ZHX2: variants seen among roughly 807,000 people sequenced by gnomAD.
ZHX2 encodes zinc fingers and homeoboxes protein 2.
A neutral mutation model predicts 21.9 loss-of-function variants in ZHX2; 6 were observed. That is an observed-to-expected ratio of 0.27 (90% CI 0.15 to 0.54). The LOEUF is 0.54. Among genes scored for constraint, ZHX2 ranks in the 20% least tolerant of loss-of-function variants. The probability of loss-of-function intolerance (pLI) is 0.95; values close to 1 mark genes in which losing one functional copy is unlikely to be tolerated. For missense variants in ZHX2, 908 were observed against 1,090.7 expected (o/e 0.83, Z 2.36); for synonymous variants, 434 against 437.1 (o/e 0.99, Z 0.09).
At chr8:122,792,786 C>T (rs950796108) in intron 1 of ZHX2, among the ~76,000 whole-genome samples, 1 of 152,080 alleles carries the variant, frequency 6.6e-6, no homozygotes, top group Non-Finnish European at 1.5e-5. Flanking sequence ...AATGAGGTAC[C>T]CAGCGTGCAA....
At chr8:122,783,224 GAGA>G (rs1297778173) in intron 1 of ZHX2, among the ~76,000 whole-genome samples, 1 of 152,144 alleles carries the variant, frequency 6.6e-6, no homozygotes, top group African/African-American at 2.4e-5. Flanking sequence ...CTGGGGCGTG[GAGA>G]AGGAGAGAAG....
At chr8:122,825,705 A>G (rs969748726) in intron 1 of ZHX2, among the ~76,000 whole-genome samples, 4 of 152,214 alleles carry the variant, frequency 2.6e-5, no homozygotes, top group Non-Finnish European at 5.9e-5. Flanking sequence ...AATATTTGGT[A>G]AAGAAGCTGA....
chr8:122,869,672 TGGATCTTACA>T (rs1819385167), intron 2 of ZHX2, among the ~76,000 whole-genome samples: 2 of 152,244 alleles, frequency 1.3e-5, no homozygotes, highest in South Asian at 4.1e-4. Flanking sequence ...TGAGCATCCG[TGGATCTTACA>T]GTTGACACAT....
intron 2 of ZHX2, among the ~76,000 whole-genome samples, chr8:122,929,414 G>A (rs12542481): frequency 0.016 from 2,371 of 152,228 alleles, 69 homozygotes; most frequent in Admixed American, 0.068. Flanking sequence ...AGGCCAAGGC[G>A]GGCAGATCAC....
chr8:122,787,637 G>A (rs1817423023), intron 1 of ZHX2, among the ~76,000 whole-genome samples: 1 of 152,218 alleles, frequency 6.6e-6, no homozygotes, highest in Non-Finnish European at 1.5e-5. Flanking sequence ...GGGCTTCGGG[G>A]AGTAGCCAAA....
In ZHX2 at chr8:122,846,769, A is replaced by G. The variant is rs377585875; in HGVS notation, c.-282-16708A>G. On this transcript the variant is annotated intron_variant, in intron 1 of 3. Coordinates refer to ENST00000314393, the MANE Select transcript of ZHX2 (RefSeq NM_014943.5). ...TGCAATTACTTTTGCACCAACCTAT[A>G]GAATTATAAGATCAACACCAACAAT... 4.6e-5 allele frequency among the ~76,000 whole-genome samples: 7 copies of G among 151,988 alleles called. No homozygotes were observed. The East Asian group carries it at 9.7e-4, about 21-fold the overall frequency.
At chr8:122,842,377 G>T (rs527845747) in intron 1 of ZHX2, among the ~76,000 whole-genome samples, 2 of 152,176 alleles carry the variant, frequency 1.3e-5, no homozygotes, top group Non-Finnish European at 2.9e-5. Flanking sequence ...AAACTGAACC[G>T]CTAGTTCAGT....
chr8:122,971,134 A>G (rs2130384560), intron 3 of ZHX2, among the ~76,000 whole-genome samples: 1 of 152,326 alleles, frequency 6.6e-6, no homozygotes, highest in Middle Eastern at 3.4e-3. Context: ...TGTAAGGAGT[A>G]GATGAGATGA....
rs550843812 is a variant in ZHX2, at chr8:122,879,399, G to T, written c.-220+15860G>T. On this transcript the variant is annotated intron_variant, in intron 2 of 3. Transcript: ENST00000314393. Reference sequence around the variant, plus strand: ...CTTTTGTATTTTTAGTAGAGATGGGGTTTCACCATGTTGGCCAGGATGGTC... The same window carrying T: ...CTTTTGTATTTTTAGTAGAGATGGGTTTTCACCATGTTGGCCAGGATGGTC... Among the ~76,000 whole-genome samples, 7 of 152,004 alleles carry T rather than the reference G, an allele frequency of 4.6e-5. No individual in the cohort carries two copies. In the East Asian group the frequency reaches 1.2e-3, roughly 25 times the overall value.
At chr8:122,834,751 A>G (rs1332688699) in intron 1 of ZHX2, among the ~76,000 whole-genome samples, 1 of 152,122 alleles carries the variant, frequency 6.6e-6, no homozygotes, top group Admixed American at 6.5e-5. Context: ...CTAGGTTGGT[A>G]TATTTTTTAA....
At chr8:122,898,633 T>C (rs1224579010) in intron 2 of ZHX2, among the ~76,000 whole-genome samples, 1 of 152,220 alleles carries the variant, frequency 6.6e-6, no homozygotes, top group Non-Finnish European at 1.5e-5. Context: ...GTGATCCTAA[T>C]ATGTCTCGGC....
At chr8:122,961,320 T>C (rs1353942779) in intron 3 of ZHX2, among the ~76,000 whole-genome samples, 1 of 152,304 alleles carries the variant, frequency 6.6e-6, no homozygotes, top group African/African-American at 2.4e-5. Flanking sequence ...GTTACCTCCT[T>C]AAAGGCACTA....
intron 1 of ZHX2, among the ~76,000 whole-genome samples, chr8:122,840,242 A>C (rs927474981): frequency 6.6e-6 from 1 of 152,124 alleles, no homozygotes; most frequent in Non-Finnish European, 1.5e-5. Flanking sequence ...TAATTATTGT[A>C]ATTGCCTAAG....
intron 1 of ZHX2, among the ~76,000 whole-genome samples, chr8:122,846,655 C>A (rs146803701): frequency 6.7e-6 from 1 of 149,148 alleles, no homozygotes; most frequent in Non-Finnish European, 1.5e-5. Flanking sequence ...CCTTAAATAA[C>A]CTTTGTCCTA....
chr8:122,794,710 C>T (rs1250170747), intron 1 of ZHX2, among the ~76,000 whole-genome samples: 1 of 152,160 alleles, frequency 6.6e-6, no homozygotes, highest in African/African-American at 2.4e-5. Context: ...GCATGTTTTG[C>T]TCTAAAGCCT....
At chr8:122,805,358 A>C (rs1316978549) in intron 1 of ZHX2, among the ~76,000 whole-genome samples, 2 of 152,114 alleles carry the variant, frequency 1.3e-5, no homozygotes, top group Non-Finnish European at 2.9e-5. Flanking sequence ...AAGGGGCGTC[A>C]TTCTCCCATA....
At chr8:122,912,218 G>A (rs1428580775) in intron 2 of ZHX2, among the ~76,000 whole-genome samples, 3 of 152,222 alleles carry the variant, frequency 2.0e-5, no homozygotes, top group Non-Finnish European at 4.4e-5. Context: ...CACAGACTCA[G>A]AGAGAGAGTC....
chr8:122,863,614 C>G (rs1819219497), intron 2 of ZHX2, 75 bp downstream of exon 2: 1 of 148,392 alleles, frequency 6.7e-6, no homozygotes, highest in Non-Finnish European at 1.5e-5. Context: ...ATGGGAGGGG[C>G]AGGGGCAGCT....
intron 1 of ZHX2, among the ~76,000 whole-genome samples, chr8:122,844,162 G>T (rs1414253630): frequency 6.6e-6 from 1 of 152,238 alleles, no homozygotes; most frequent in Non-Finnish European, 1.5e-5. Flanking sequence ...TGCCCTGCAG[G>T]AATTGATCTC....
Sources: allele counts gnomAD v4.1 joint callset (sites outside exome capture counted in the v4.1 genomes callset), GRCh38; gene constraint gnomAD v4.1.1; transcripts MANE v1.5; gene names NCBI Gene and HGNC (gene_info 2026-07-23, HGNC 2026-07-21).